The following PRKN variants were observed in gnomAD, a reference collection of about 807,000 sequenced individuals.
The protein encoded by PRKN is parkin RBR E3 ubiquitin protein ligase.
A neutral mutation model predicts 59.5 loss-of-function variants in PRKN; 56 were observed. The observed-to-expected ratio is 0.94, with a 90% CI of 0.76 to 1.18. The LOEUF is 1.18. PRKN is among the 50% of genes most tolerant of loss of function. The probability of loss-of-function intolerance (pLI) is 0.00; values close to 1 mark genes in which losing one functional copy is unlikely to be tolerated. For missense variants in PRKN, 657 were observed against 596.4 expected, an observed-to-expected ratio of 1.10 and a Z score of -1.06; for synonymous variants, 250 against 222.1, an observed-to-expected ratio of 1.13 and a Z score of -1.12.
At chr6:161,918,228 C>T (rs1778648252) in intron 6 of PRKN, among the ~76,000 whole-genome samples, 1 of 152,202 alleles carries the variant, frequency 6.6e-6, no homozygotes, top group Non-Finnish European at 1.5e-5. Flanking sequence ...ACCATGGAAA[C>T]AACAGTACCA....
intron 3 of PRKN, among the ~76,000 whole-genome samples, chr6:162,204,709 G>GTTTTTT (rs141650101): frequency 7.9e-6 from 1 of 125,916 alleles, no homozygotes; most frequent in Non-Finnish European, 1.8e-5. Context: ...TTATTCAGAA[G>GTTTTTT]TTTTGTTTTT....
At chr6:161,967,121 C>T (rs1054328427) in intron 6 of PRKN, among the ~76,000 whole-genome samples, 3 of 152,172 alleles carry the variant, frequency 2.0e-5, no homozygotes, top group Non-Finnish European at 2.9e-5. Flanking sequence ...TGAGCCACTG[C>T]GCCCGGCCTA....
intron 4 of PRKN, among the ~76,000 whole-genome samples, chr6:162,147,285 G>T (rs973474256): frequency 6.7e-6 from 1 of 148,682 alleles, no homozygotes; most frequent in Non-Finnish European, 1.5e-5. Flanking sequence ...GGAGGCTGCA[G>T]TGAGCCAAGA....
chr6:161,676,254 G>T (rs1460236245), intron 7 of PRKN, among the ~76,000 whole-genome samples: 1 of 152,176 alleles, frequency 6.6e-6, no homozygotes, highest in Non-Finnish European at 1.5e-5. Context: ...CTCCAACAAG[G>T]AGTTCTTGAG....
At chr6:162,628,328 G>C (rs1347594541) in intron 1 of PRKN, among the ~76,000 whole-genome samples, 1 of 152,136 alleles carries the variant, frequency 6.6e-6, no homozygotes, top group Non-Finnish European at 1.5e-5. Flanking sequence ...AGCTATAATT[G>C]TGAGGCAAAG....
chr6:162,350,656 A>G (rs9456769), intron 2 of PRKN, among the ~76,000 whole-genome samples: 39,908 of 152,068 alleles, frequency 0.26, 5,851 homozygotes, highest in African/African-American at 0.37. Context: ...GCTTTACATC[A>G]TATACAAAAT....
In PRKN at chr6:161,396,291, G is replaced by A. The variant is rs966004631; in HGVS notation, c.1084-9414C>T. Among the ~76,000 whole-genome samples, 2 of 152,112 alleles carry A rather than the reference G, an allele frequency of 1.3e-5. No individual in the cohort carries two copies. The highest frequency in any genetic ancestry group is 4.8e-5 in the African/African-American group (2 of 41,396). On this transcript the variant is annotated intron_variant, in intron 9 of 11. Coordinates refer to ENST00000366898, the MANE Select transcript of PRKN (RefSeq NM_004562.3). This position sits in a 1 kb window ranked among gnomAD's most constrained non-coding sequence, Gnocchi z 5.4. ...GACCTGGTTGCAAGCTGGAACTCTT[G>A]TTCAATGATATGTTCACACCATCCT...
chr6:161,564,419 C>T (rs1436276744), intron 8 of PRKN, among the ~76,000 whole-genome samples: 1 of 152,174 alleles, frequency 6.6e-6, no homozygotes, highest in Non-Finnish European at 1.5e-5. Context: ...ACCCTGAGAC[C>T]CTTCCCCCAT....
At chr6:162,502,917 T>C (rs1473075673) in intron 1 of PRKN, among the ~76,000 whole-genome samples, 1 of 152,038 alleles carries the variant, frequency 6.6e-6, no homozygotes, top group East Asian at 1.9e-4. Flanking sequence ...TTACATAATT[T>C]TATATTTATT....
chr6:161,535,328 G>A (rs1194157829), intron 9 of PRKN, among the ~76,000 whole-genome samples: 3 of 152,086 alleles, frequency 2.0e-5, no homozygotes, highest in Admixed American at 6.6e-5. Context: ...TACAAAAAAA[G>A]ATAACCAAGG....
At chr6:161,534,907 G>A (rs1779356175) in intron 9 of PRKN, among the ~76,000 whole-genome samples, 1 of 152,216 alleles carries the variant, frequency 6.6e-6, no homozygotes, top group Non-Finnish European at 1.5e-5. Flanking sequence ...AGTGATTGCG[G>A]TAGAAGAATA....
At chr6:161,904,805 G>A (rs1219700446) in intron 6 of PRKN, among the ~76,000 whole-genome samples, 1 of 152,076 alleles carries the variant, frequency 6.6e-6, no homozygotes, top group African/African-American at 2.4e-5. Flanking sequence ...ATGGGGTTGT[G>A]CAGAGGCCGA....
intron 6 of PRKN, among the ~76,000 whole-genome samples, chr6:161,817,339 C>A (rs1261116791): frequency 1.3e-5 from 2 of 152,214 alleles, no homozygotes; most frequent in East Asian, 3.9e-4. Flanking sequence ...CCCCTCAGAA[C>A]TGGAGAGTAA....
intron 6 of PRKN, among the ~76,000 whole-genome samples, chr6:161,858,787 G>A (rs538994253): frequency 6.6e-6 from 1 of 151,336 alleles, no homozygotes; most frequent in Admixed American, 6.6e-5. Context: ...AGGCATGGAG[G>A]CAGCTCTGCA....
At chr6:162,036,195 G>T (rs1406282588) in intron 5 of PRKN, among the ~76,000 whole-genome samples, 1 of 151,464 alleles carries the variant, frequency 6.6e-6, no homozygotes, top group Non-Finnish European at 1.5e-5. Context: ...GTGGTGGCGG[G>T]CGCCTGTAGT....
chr6:161,545,286 C>G lies in PRKN; in HGVS notation c.1083+3568G>C. On this transcript the variant is annotated intron_variant, in intron 9 of 11. Transcript: ENST00000366898. The surrounding 1 kb of genome is among the most constrained non-coding windows in gnomAD (Gnocchi z 4.1). Reference sequence around the variant, plus strand: ...AATCTGTGAACCACATCCTGATAATCACTGGAGTTAATGACGTCTAGGGCT... The same window carrying G: ...AATCTGTGAACCACATCCTGATAATGACTGGAGTTAATGACGTCTAGGGCT... 6.6e-6 allele frequency: 10 copies of G among 1,513,446 alleles called. No individual in the cohort carries two copies. Among genetic ancestry groups the G allele is most frequent in the Non-Finnish European group, 8.9e-6 (10 of 1,128,506 alleles). 93.8% of individuals were successfully genotyped at this position (1,513,446 alleles called of 1,614,324 possible).
intron 6 of PRKN, among the ~76,000 whole-genome samples, chr6:161,930,471 C>T (rs1779131492): frequency 6.6e-6 from 1 of 152,230 alleles, no homozygotes; most frequent in Non-Finnish European, 1.5e-5. Flanking sequence ...TAGTAATCTA[C>T]TTAAATGCAA....
intron 6 of PRKN, among the ~76,000 whole-genome samples, chr6:161,827,043 A>T (rs528407140): frequency 6.6e-6 from 1 of 152,302 alleles, no homozygotes; most frequent in African/African-American, 2.4e-5. Flanking sequence ...AGCTTGGAGG[A>T]CTATGACATA....
intron 7 of PRKN, among the ~76,000 whole-genome samples, chr6:161,746,737 TTCTAG>T (rs1788439747): frequency 6.8e-6 from 1 of 146,852 alleles, no homozygotes; most frequent in African/African-American, 2.5e-5. Context: ...TATATCTAGA[TTCTAG>T]ATATGCACAT....
Sources: allele counts gnomAD v4.1 joint callset (sites outside exome capture counted in the v4.1 genomes callset), GRCh38; gene constraint gnomAD v4.1.1; non-coding constraint Gnocchi (gnomAD v3.1); transcripts MANE v1.5; gene names NCBI Gene and HGNC (gene_info 2026-07-23, HGNC 2026-07-21).